Variants in SH3RF1 observed in about 807,000 individuals in gnomAD.
SH3RF1 encodes SH3 domain containing ring finger 1, also known as E3 ubiquitin-protein ligase SH3RF1.
A neutral mutation model predicts 74.0 loss-of-function variants in SH3RF1; 32 were observed. That is an observed-to-expected ratio of 0.43 (90% CI 0.33 to 0.58). SH3RF1 has a LOEUF of 0.58. Ranked by LOEUF, SH3RF1 falls within the 20% of genes least tolerant of loss-of-function variation. The probability of loss-of-function intolerance (pLI) is 0.05; values close to 1 mark genes in which losing one functional copy is unlikely to be tolerated. For synonymous variants in SH3RF1, 396 were observed against 439.6 expected, an observed-to-expected ratio of 0.90 and a Z score of 1.24; for missense variants, 954 against 1,130.9, an observed-to-expected ratio of 0.84 and a Z score of 2.24.
At chr4:169,106,380 A>G (rs2126937686) in intron 11 of SH3RF1, among the ~76,000 whole-genome samples, 1 of 152,138 alleles carries the variant, frequency 6.6e-6, no homozygotes, top group South Asian at 2.1e-4. Context: ...GGCCCAAGAC[A>G]ATTCTTCCTT....
chr4:169,188,170 T>A (rs1444987798), intron 2 of SH3RF1, among the ~76,000 whole-genome samples: 1 of 152,242 alleles, frequency 6.6e-6, no homozygotes, highest in Non-Finnish European at 1.5e-5. Context: ...AATAAATTTC[T>A]GTTGTTTTAA....
At chr4:169,242,119 A>C (rs1730921277) in intron 2 of SH3RF1, among the ~76,000 whole-genome samples, 1 of 152,118 alleles carries the variant, frequency 6.6e-6, no homozygotes, top group African/African-American at 2.4e-5. Flanking sequence ...TTCTATTTCA[A>C]TTTAAATTTT....
intron 2 of SH3RF1, among the ~76,000 whole-genome samples, chr4:169,219,219 G>A (rs1277229711): frequency 1.3e-5 from 2 of 152,168 alleles, no homozygotes; most frequent in Admixed American, 1.3e-4. Flanking sequence ...TCTGTATTAA[G>A]ACAAGGTGCA....
At chr4:169,228,426 C>A (rs1730684913) in intron 2 of SH3RF1, among the ~76,000 whole-genome samples, 1 of 152,032 alleles carries the variant, frequency 6.6e-6, no homozygotes, top group African/African-American at 2.4e-5. Context: ...AATCTGTTTT[C>A]TTGCCTTTTC....
chr4:169,195,269 A>G (rs1734790566), intron 2 of SH3RF1, among the ~76,000 whole-genome samples: 1 of 152,202 alleles, frequency 6.6e-6, no homozygotes, highest in South Asian at 2.1e-4. Context: ...TGTTTCTTCT[A>G]AGAAGTCAGC....
chr4:169,227,211 A>C (rs1052605852), intron 2 of SH3RF1, among the ~76,000 whole-genome samples: 1 of 152,180 alleles, frequency 6.6e-6, no homozygotes, highest in Admixed American at 6.5e-5. Context: ...ATTAATTCCA[A>C]TTAGAAAATG....
At position 169,222,344 on chromosome 4, in the gene SH3RF1, A is replaced by C. The variant is rs1005951829; in HGVS notation, c.393+46476T>G. Among the ~76,000 whole-genome samples the C allele has an allele frequency of 4.6e-5, 7 of 152,230 alleles. 1 individual carries two copies. The highest frequency in any genetic ancestry group is 6.5e-5 in the Admixed American group (1 of 15,272). On this transcript the variant is annotated intron_variant, in intron 2 of 11. Coordinates refer to ENST00000284637, the MANE Select transcript of SH3RF1 (RefSeq NM_020870.4). The stretch of plus-strand genomic sequence containing the variant: ...GCCAGGCATGGTAGCAGACACCTGT[A>C]GTCACAGCTACTTGGGAGGCTGACG...
chr4:169,256,693 C>T (rs1731199039), intron 2 of SH3RF1, among the ~76,000 whole-genome samples: 2 of 152,100 alleles, frequency 1.3e-5, no homozygotes, highest in South Asian at 4.1e-4. Flanking sequence ...AACTCCTGGG[C>T]TCAAGCGATC....
intron 2 of SH3RF1, among the ~76,000 whole-genome samples, chr4:169,176,108 C>G (rs1012556239): frequency 6.6e-6 from 1 of 152,220 alleles, no homozygotes; most frequent in African/African-American, 2.4e-5. Context: ...AGAACAGATT[C>G]TGCCAGCTCC....
chr4:169,173,265 T>A (rs1205270413), intron 2 of SH3RF1, among the ~76,000 whole-genome samples: 1 of 152,148 alleles, frequency 6.6e-6, no homozygotes, highest in East Asian at 1.9e-4. Context: ...CACTCCTACT[T>A]GCTCCTGACC....
intron 2 of SH3RF1, among the ~76,000 whole-genome samples, chr4:169,164,179 T>G (rs1363413393): frequency 1.3e-5 from 2 of 152,210 alleles, no homozygotes; most frequent in Non-Finnish European, 1.5e-5. Flanking sequence ...TGCTAGACTG[T>G]AACCTCCTGG....
intron 9 of SH3RF1, among the ~76,000 whole-genome samples, chr4:169,117,301 C>A (rs908688796): frequency 1.3e-5 from 2 of 152,106 alleles, no homozygotes; most frequent in Non-Finnish European, 2.9e-5. Context: ...TTAGGATCAG[C>A]CTAATTTCTT....
intron 2 of SH3RF1, among the ~76,000 whole-genome samples, chr4:169,223,232 C>G (rs988933989): frequency 6.6e-6 from 1 of 152,268 alleles, no homozygotes; most frequent in Admixed American, 6.5e-5. Context: ...TAGTAACATG[C>G]AATGGCCACT....
At position 169,199,734 on chromosome 4, in the gene SH3RF1, T is replaced by C. The variant is rs554530063; in HGVS notation, c.394-43055A>G. ...AAGAAAACAAACAAAATTCAAACAA[T>C]TTAAAAAGAAAGACAATAAAAGAGA... On this transcript the variant is annotated intron_variant, in intron 2 of 11. Coordinates refer to ENST00000284637, the MANE Select transcript of SH3RF1 (RefSeq NM_020870.4). Among the ~76,000 whole-genome samples, 252 of 151,968 alleles carry C rather than the reference T, an allele frequency of 1.7e-3. 1 individual carries two copies. Among genetic ancestry groups the C allele is most frequent in the Non-Finnish European group, 2.7e-3 (182 of 67,970 alleles).
At chr4:169,194,344 C>T (rs1734775777) in intron 2 of SH3RF1, among the ~76,000 whole-genome samples, 1 of 152,134 alleles carries the variant, frequency 6.6e-6, no homozygotes, top group Non-Finnish European at 1.5e-5. Flanking sequence ...TGCCTTATGA[C>T]CTTACTAGTA....
At chr4:169,156,970 G>A (rs1385779429) in intron 2 of SH3RF1, among the ~76,000 whole-genome samples, 1 of 152,128 alleles carries the variant, frequency 6.6e-6, no homozygotes, top group Non-Finnish European at 1.5e-5. Flanking sequence ...GAGGTTATCA[G>A]TATATGAAAG....
At chr4:169,180,153 C>G (rs1219706226) in intron 2 of SH3RF1, among the ~76,000 whole-genome samples, 1 of 152,218 alleles carries the variant, frequency 6.6e-6, no homozygotes, top group African/African-American at 2.4e-5. Flanking sequence ...ACAAATGCAG[C>G]AAAACGCAAC....
intron 2 of SH3RF1, among the ~76,000 whole-genome samples, chr4:169,249,477 A>G (rs1452694866): frequency 6.6e-6 from 1 of 152,236 alleles, no homozygotes; most frequent in East Asian, 1.9e-4. Flanking sequence ...ACTGTGAGAA[A>G]TAAATTTGGG....
intron 8 of SH3RF1, among the ~76,000 whole-genome samples, chr4:169,120,369 TATG>T (rs1733417852): frequency 6.6e-6 from 1 of 152,262 alleles, no homozygotes; most frequent in Admixed American, 6.5e-5. Flanking sequence ...AGACAAGCTG[TATG>T]ATATCTCTGT....
Sources: gnomAD v4.1 joint callset for allele counts (sites outside exome capture counted in the v4.1 genomes callset) on GRCh38, gnomAD v4.1.1 for gene constraint, MANE v1.5 for transcripts, NCBI Gene and HGNC (gene_info 2026-07-23, HGNC 2026-07-21) for gene names.